Variants in COL25A1 observed in about 807,000 individuals in gnomAD.
COL25A1 encodes collagen alpha-1(XXV) chain.
A neutral mutation model predicts 128.4 loss-of-function variants in COL25A1; 103 were observed. That is an observed-to-expected ratio of 0.80 (90% CI 0.68 to 0.94). The LOEUF is 0.94. COL25A1 is among the 40% of genes least tolerant of loss of function. COL25A1 has a pLI of 0.00. For missense variants in COL25A1, 745 were observed against 840.0 expected (o/e 0.89, Z 1.40); for synonymous variants, 279 against 277.2 (o/e 1.01, Z -0.06).
At chr4:109,149,999 G>GTGT (rs1560774295) in intron 3 of COL25A1, among the ~76,000 whole-genome samples, 13 of 132,196 alleles carry the variant, frequency 9.8e-5, no homozygotes, top group African/African-American at 2.1e-4. Context: ...TGTATGTGTG[G>GTGT]GTGTGTGTGT....
intron 3 of COL25A1, among the ~76,000 whole-genome samples, chr4:109,202,690 C>T (rs1776653062): frequency 6.6e-6 from 1 of 152,092 alleles, no homozygotes; most frequent in Non-Finnish European, 1.5e-5. Context: ...AAGGGACAAG[C>T]CACATACTGG....
intron 3 of COL25A1, among the ~76,000 whole-genome samples, chr4:109,077,440 C>A (rs771868149): frequency 3.3e-5 from 5 of 151,954 alleles, no homozygotes; most frequent in East Asian, 1.9e-4. Flanking sequence ...ACCACCCCCC[C>A]GCCCCCAACA....
At chr4:109,060,222 T>C (rs1246398873) in intron 3 of COL25A1, among the ~76,000 whole-genome samples, 2 of 152,224 alleles carry the variant, frequency 1.3e-5, no homozygotes, top group Non-Finnish European at 2.9e-5. Context: ...ACACAGCATC[T>C]GTGCCAGTAA....
chr4:108,814,874 C>G (rs1731104770), intron 37 of COL25A1, among the ~76,000 whole-genome samples: 1 of 152,174 alleles, frequency 6.6e-6, no homozygotes, highest in Non-Finnish European at 1.5e-5. Context: ...TTCATTCACC[C>G]TCCACAATGC....
rs560184703 is a variant in COL25A1, at chr4:109,024,941, A to C, written c.421-14566T>G. ...AAAGAAAGGGGCAGAAGAGTTATAC[A>C]GTTAAACACCAGCGAGAAGAGGTCA... is the stretch of plus-strand genomic sequence containing the variant. On this transcript the variant is annotated intron_variant, in intron 5 of 37. Transcript: ENST00000399132. 1.5e-4 allele frequency among the ~76,000 whole-genome samples: 23 copies of C among 152,336 alleles called. No homozygotes were observed. In the South Asian group the frequency reaches 4.6e-3, roughly 30 times the overall value.
chr4:108,819,144 T>C (rs557531682), intron 36 of COL25A1, 108 bp downstream of exon 36: 1 of 763,796 alleles, frequency 1.3e-6, no homozygotes, highest in African/African-American at 1.7e-5. Flanking sequence ...ATGTAGTGTG[T>C]TTATCATGTA....
At chr4:109,237,766 C>G (rs1324369069) in intron 3 of COL25A1, among the ~76,000 whole-genome samples, 1 of 151,952 alleles carries the variant, frequency 6.6e-6, no homozygotes, top group Non-Finnish European at 1.5e-5. Flanking sequence ...TACCACCCAT[C>G]CACAGAACAT....
chr4:109,030,126 C>T (rs1758694894), intron 5 of COL25A1, among the ~76,000 whole-genome samples: 1 of 152,170 alleles, frequency 6.6e-6, no homozygotes. Context: ...AACTGAGACA[C>T]AAGCAGCAGA....
chr4:109,192,670 G>T (rs903585561), intron 3 of COL25A1, among the ~76,000 whole-genome samples: 1 of 151,936 alleles, frequency 6.6e-6, no homozygotes, highest in Non-Finnish European at 1.5e-5. Context: ...TGGCTAACAC[G>T]GTGAAACCCT....
At chr4:108,977,229 GA>G (rs1394788045) in intron 6 of COL25A1, among the ~76,000 whole-genome samples, 5 of 152,180 alleles carry the variant, frequency 3.3e-5, no homozygotes, top group Non-Finnish European at 7.3e-5. Flanking sequence ...AAGGGGAATA[GA>G]GGAGGAGTGA....
intron 5 of COL25A1, chr4:109,021,799 C>G (rs114375051): frequency 0.045 from 20,387 of 453,240 alleles, 708 homozygotes; most frequent in Middle Eastern, 0.051. Context: ...AACCACCGCT[C>G]TGGGAGTGTC....
At chr4:109,112,129 CTGAT>C (rs1767079804) in intron 3 of COL25A1, among the ~76,000 whole-genome samples, 6 of 152,072 alleles carry the variant, frequency 3.9e-5, no homozygotes, top group Admixed American at 3.3e-4. Flanking sequence ...AATGACTGAA[CTGAT>C]TTAGTATACA....
chr4:109,071,638 G>A (rs549046963), intron 3 of COL25A1, among the ~76,000 whole-genome samples: 5 of 152,252 alleles, frequency 3.3e-5, no homozygotes, highest in East Asian at 3.9e-4. Flanking sequence ...GTGGGCAAAG[G>A]TTATGAACAG....
intron 13 of COL25A1, among the ~76,000 whole-genome samples, chr4:108,908,237 G>C (rs1743763037): frequency 6.6e-6 from 1 of 152,100 alleles, no homozygotes; most frequent in African/African-American, 2.4e-5. Context: ...CTCTCTGCAG[G>C]CATTTTGTGA....
At chr4:109,108,597 A>T (rs2126034141) in intron 3 of COL25A1, among the ~76,000 whole-genome samples, 1 of 152,308 alleles carries the variant, frequency 6.6e-6, no homozygotes, top group East Asian at 1.9e-4. Flanking sequence ...ATCCTTGAGG[A>T]ATTGCCACAC....
rs369527017 is a variant in COL25A1, at chr4:108,917,176, C to T, written c.780+996G>A. On this transcript the variant is annotated intron_variant, in intron 13 of 37. Coordinates refer to ENST00000399132, the MANE Select transcript of COL25A1 (RefSeq NM_198721.4). ...TCACACAGCCTCTGAGTGGAAGACT[C>T]ATGCTCTTAGCAACTTACTAGGTTT... is the stretch of plus-strand genomic sequence containing the variant. 1.9e-4 allele frequency among the ~76,000 whole-genome samples: 29 copies of T among 152,278 alleles called. No homozygotes were observed. The East Asian group carries it at 3.9e-3, about 20-fold the overall frequency.
chr4:108,939,180 A>ACACT (rs1228505953), intron 10 of COL25A1, among the ~76,000 whole-genome samples: 1 of 152,222 alleles, frequency 6.6e-6, no homozygotes, highest in Non-Finnish European at 1.5e-5. Flanking sequence ...TTTTGAAGAG[A>ACACT]CACTCACTGT....
intron 3 of COL25A1, among the ~76,000 whole-genome samples, chr4:109,066,942 A>G (rs1425940263): frequency 1.3e-5 from 2 of 152,214 alleles, no homozygotes; most frequent in Non-Finnish European, 2.9e-5. Flanking sequence ...AAATGCTGAG[A>G]TTACAGGTGT....
chr4:109,103,374 A>G (rs935309917), intron 3 of COL25A1, among the ~76,000 whole-genome samples: 1 of 152,138 alleles, frequency 6.6e-6, no homozygotes, highest in African/African-American at 2.4e-5. Flanking sequence ...AGCATTACTA[A>G]ATACTTTTGT....
Sources: gnomAD v4.1 joint callset for allele counts (sites outside exome capture counted in the v4.1 genomes callset) on GRCh38, gnomAD v4.1.1 for gene constraint, MANE v1.5 for transcripts, NCBI Gene and HGNC (gene_info 2026-07-23, HGNC 2026-07-21) for gene names.